GLCCI1: variants seen among roughly 807,000 people sequenced by gnomAD.
GLCCI1 encodes the protein glucocorticoid induced 1.
In GLCCI1, 24 loss-of-function variants were observed where a neutral mutation model predicts 52.2. The observed-to-expected ratio is 0.46, with a 90% confidence interval of 0.33 to 0.65. The LOEUF (loss-of-function observed/expected upper bound fraction) is 0.65. Ranked by LOEUF, GLCCI1 falls within the 30% of genes least tolerant of loss-of-function variation. The pLI is 0.02. For synonymous variants in GLCCI1, 310 were observed against 276.5 expected, an observed-to-expected ratio of 1.12 and a Z score of -1.20; for missense variants, 704 against 701.5, an observed-to-expected ratio of 1.00 and a Z score of -0.04.
chr7:8,009,665 ATAGCCTTCTTAAT>A (rs1781224247), intron 2 of GLCCI1, among the ~76,000 whole-genome samples: 1 of 152,216 alleles, frequency 6.6e-6, no homozygotes, highest in Admixed American at 6.5e-5. Context: ...AGTGACAAGC[ATAGCCTTCTTAAT>A]GACCCATACA....
intron 3 of GLCCI1, among the ~76,000 whole-genome samples, chr7:8,041,123 C>G (rs1781989392): frequency 6.6e-6 from 1 of 152,152 alleles, no homozygotes; most frequent in Admixed American, 6.5e-5. Context: ...AAATTCTACT[C>G]AAACAAACAC....
intron 5 of GLCCI1, among the ~76,000 whole-genome samples, chr7:8,063,652 T>C (rs1210888216): frequency 1.4e-5 from 2 of 142,210 alleles, no homozygotes; most frequent in Non-Finnish European, 3.0e-5. Flanking sequence ...AGGGTCTTGC[T>C]CCATTGCCCA....
chr7:8,024,605 C>G (rs564747466), intron 3 of GLCCI1: 2 of 152,258 alleles, frequency 1.3e-5, no homozygotes, highest in South Asian at 4.2e-4. Flanking sequence ...GTTTTTAATA[C>G]TGTTGTGTTG....
In GLCCI1 at chr7:7,976,479, C is replaced by CAAAAAAAAA. The variant is rs35255634; in HGVS notation, c.457+6683_457+6691dup. On this transcript the variant is annotated intron_variant, in intron 1 of 7. Coordinates refer to ENST00000223145, the MANE Select transcript of GLCCI1 (RefSeq NM_138426.4). ...GGGCAACAAGAGTGAAACTCCATCTCAAAAAAAAAAAAAAAAAAAGGAAAG... is the reference window on the plus strand; with the variant it reads ...GGGCAACAAGAGTGAAACTCCATCTCAAAAAAAAAAAAAAAAAAAAAAAAAAAAGGAAAG... Among the ~76,000 whole-genome samples the CAAAAAAAAA allele has an allele frequency of 2.2e-3, 54 of 24,674 alleles. 7 individuals are homozygous for CAAAAAAAAA. Among genetic ancestry groups the CAAAAAAAAA allele is most frequent in the South Asian group, 3.1e-3 (2 of 652 alleles). 16.2% of individuals were successfully genotyped at this position (24,674 alleles called of 152,430 possible). A position where few individuals can be genotyped will look rare whatever the true frequency, so the allele number is the denominator to read the frequency against.
intron 1 of GLCCI1, among the ~76,000 whole-genome samples, chr7:7,989,124 T>C (rs1384765753): frequency 6.6e-6 from 1 of 152,132 alleles, no homozygotes; most frequent in Non-Finnish European, 1.5e-5. Flanking sequence ...AAAATACATA[T>C]TGGGCTTTTA....
At chr7:8,008,573 G>T (rs1055735463) in intron 2 of GLCCI1, among the ~76,000 whole-genome samples, 1 of 152,168 alleles carries the variant, frequency 6.6e-6, no homozygotes. Flanking sequence ...GGGATTACAG[G>T]CATGAGCCAC....
chr7:8,069,249 G>C (rs573181144), intron 5 of GLCCI1, among the ~76,000 whole-genome samples: 1 of 152,142 alleles, frequency 6.6e-6, no homozygotes, highest in Non-Finnish European at 1.5e-5. Context: ...GCTGCCAGTC[G>C]GTGTGATTGG....
At chr7:8,024,173 AC>A (rs1317543774) in intron 3 of GLCCI1, among the ~76,000 whole-genome samples, 2 of 152,022 alleles carry the variant, frequency 1.3e-5, no homozygotes, top group East Asian at 3.9e-4. Context: ...ATTTTTATGT[AC>A]TATAGGTTAT....
intron 2 of GLCCI1, among the ~76,000 whole-genome samples, chr7:8,017,113 C>T (rs1390144747): frequency 4.6e-5 from 7 of 152,090 alleles, no homozygotes; most frequent in African/African-American, 1.2e-4. Context: ...TGCAGGAGAG[C>T]GTATTTACAT....
intron 5 of GLCCI1, among the ~76,000 whole-genome samples, chr7:8,063,921 C>T (rs1222389812): frequency 6.6e-6 from 1 of 152,180 alleles, no homozygotes; most frequent in East Asian, 1.9e-4. Context: ...GACATCATAC[C>T]TGGCCATTTG....
intron 3 of GLCCI1, among the ~76,000 whole-genome samples, chr7:8,023,735 A>T (rs1781551037): frequency 6.6e-6 from 1 of 151,272 alleles, no homozygotes; most frequent in South Asian, 2.1e-4. Flanking sequence ...AGTAGCTGGG[A>T]TTACAGATAT....
At chr7:8,083,049 G>A (rs1211417582) in intron 6 of GLCCI1, among the ~76,000 whole-genome samples, 6 of 152,144 alleles carry the variant, frequency 3.9e-5, no homozygotes, top group South Asian at 2.1e-4. Context: ...TGCTTGTGCC[G>A]TGTAGGCTAA....
chr7:7,981,730 G>C (rs1272831865), intron 1 of GLCCI1: 7 of 280,734 alleles, frequency 2.5e-5, no homozygotes, highest in Non-Finnish European at 4.2e-5. Context: ...TTAAATGGAA[G>C]GAAAAAGTGG....
At position 8,071,111 on chromosome 7, in the gene GLCCI1, T is replaced by G. The variant is rs778475456; in HGVS notation, c.1157T>G (p.Leu386Trp). ...GGTAGCCCTTGCTCAACAGAAGATT[T>G]GCTCTATGATCGTGATAAAGGTAAG... Reference protein sequence around the residue: ...QDGSPCSTEDLLYDRDKDSGS... With the variant: ...QDGSPCSTEDWLYDRDKDSGS... Residue 386 changes from leucine (L) to tryptophan (W), a missense_variant, in exon 6 of 8, where the codon TTG becomes TGG. Leu to Trp is a moderately conservative substitution (Grantham distance 61). Coordinates refer to ENST00000223145, the MANE Select transcript of GLCCI1 (RefSeq NM_138426.4). 3 of 1,614,118 alleles carry G rather than the reference T, an allele frequency of 1.9e-6. No individual in the cohort carries two copies. Among genetic ancestry groups the G allele is most frequent in the Non-Finnish European group, 1.7e-6 (2 of 1,179,946 alleles).
At chr7:8,040,263 A>G (rs771455410) in intron 3 of GLCCI1, among the ~76,000 whole-genome samples, 35 of 152,050 alleles carry the variant, frequency 2.3e-4, no homozygotes, top group Non-Finnish European at 4.3e-4. Context: ...AGATGGAAGG[A>G]TCTTTTGAGC....
intron 2 of GLCCI1, among the ~76,000 whole-genome samples, chr7:8,016,487 C>T (rs541995645): frequency 6.6e-6 from 1 of 151,612 alleles, no homozygotes; most frequent in African/African-American, 2.4e-5. Context: ...ACAAAAAAAA[C>T]CAATTAAGAT....
At chr7:7,997,453 T>G (rs995039156) in intron 1 of GLCCI1, among the ~76,000 whole-genome samples, 1 of 152,154 alleles carries the variant, frequency 6.6e-6, no homozygotes, top group African/African-American at 2.4e-5. Context: ...TCAGGTAGAT[T>G]AAGAACTATA....
Position 8,060,117 on chromosome 7 carries a change from C to T in GLCCI1, c.835C>T (p.Pro279Ser). 6.2e-7 allele frequency: 1 copy of T among 1,613,586 alleles called. No individual in the cohort carries two copies. The highest frequency in any genetic ancestry group is 1.1e-5 in the South Asian group (1 of 90,952). ...ATAGGCTACTGGATCAAGGTCAGTT[C>T]CTATGCCACTGTCAAATATATCAGT... ...HTQATGSRSV[P>S]MPLSNISVPK... The change falls in exon 5 of 8, where the codon CCT becomes TCT. Residue 279 changes from proline (P) to serine (S), a missense_variant. Around this residue, in one of 3 missense-constraint regions of GLCCI1, gnomAD observed 547 missense variants for 524.8 expected, o/e 1.04. Coordinates refer to ENST00000223145, the MANE Select transcript of GLCCI1 (RefSeq NM_138426.4).
At chr7:8,004,957 T>C (rs964303729) in intron 2 of GLCCI1, among the ~76,000 whole-genome samples, 6 of 152,224 alleles carry the variant, frequency 3.9e-5, no homozygotes, top group African/African-American at 7.2e-5. Flanking sequence ...TTTGTCATTT[T>C]CTCAGGCAAG....
Sources: gnomAD v4.1 joint callset for allele counts (sites outside exome capture counted in the v4.1 genomes callset) on GRCh38, gnomAD v4.1.1 for gene constraint, gnomAD v4.1.1 regional missense constraint, MANE v1.5 for transcripts, NCBI Gene and HGNC (gene_info 2026-07-23, HGNC 2026-07-21) for gene names.